The following PTPRT variants were observed in gnomAD, a reference collection of about 807,000 sequenced individuals.
The protein encoded by PTPRT is receptor-type tyrosine-protein phosphatase T.
In PTPRT, 56 loss-of-function variants were observed where a neutral mutation model predicts 176.8. The observed-to-expected ratio is 0.32, with a 90% CI of 0.26 to 0.40. The LOEUF (loss-of-function observed/expected upper bound fraction) is 0.40. Ranked by LOEUF, PTPRT falls within the 10% of genes least tolerant of loss-of-function variation. The pLI is 1.00. For missense variants in PTPRT, 1,540 were observed against 1,908.2 expected (o/e 0.81, Z 3.60); for synonymous variants, 783 against 739.0 (o/e 1.06, Z -0.96).
chr20:42,060,563 T>C, the PTPRT span, among the ~76,000 whole-genome samples: 1 of 152,184 alleles, frequency 6.6e-6, no homozygotes, highest in Admixed American at 6.5e-5. Flanking sequence ...GAATAAGTCT[T>C]ACAAGATCTG....
At chr20:42,652,543 C>A (rs140589753) in intron 7 of PTPRT, among the ~76,000 whole-genome samples, 1 of 152,052 alleles carries the variant, frequency 6.6e-6, no homozygotes, top group South Asian at 2.1e-4. Flanking sequence ...TCAGAGCATC[C>A]CCCTCCCCTT....
intron 1 of PTPRT, among the ~76,000 whole-genome samples, chr20:42,895,538 C>T (rs980691820): frequency 6.6e-6 from 1 of 151,974 alleles, no homozygotes; most frequent in Non-Finnish European, 1.5e-5. Context: ...AGGATGTGTA[C>T]CCCAGAGGCC....
intron 7 of PTPRT, among the ~76,000 whole-genome samples, chr20:42,474,062 G>A (rs1357885231): frequency 1.3e-5 from 2 of 152,158 alleles, no homozygotes; most frequent in African/African-American, 4.8e-5. Context: ...AACTTAATAA[G>A]CACTCTACGT....
At chr20:42,718,611 G>A (rs1279526910) in intron 6 of PTPRT, among the ~76,000 whole-genome samples, 2 of 152,078 alleles carry the variant, frequency 1.3e-5, no homozygotes, top group Non-Finnish European at 2.9e-5. Flanking sequence ...TCAAGTGGAA[G>A]AAACTAGCCA....
chr20:42,948,496 C>A (rs1213349121), intron 1 of PTPRT, among the ~76,000 whole-genome samples: 2 of 152,076 alleles, frequency 1.3e-5, no homozygotes, highest in African/African-American at 4.8e-5. Flanking sequence ...AAGTGTGGCC[C>A]AGGATTTGAA....
chr20:42,695,366 G>A (rs4812623), intron 6 of PTPRT, among the ~76,000 whole-genome samples: 55,259 of 152,030 alleles, frequency 0.36, 11,059 homozygotes, highest in African/African-American at 0.54. Flanking sequence ...ATGGTGTTCA[G>A]TCAAATATTT....
chr20:43,071,112 G>T, intron 1 of PTPRT, among the ~76,000 whole-genome samples: 1 of 152,104 alleles, frequency 6.6e-6, no homozygotes, highest in Middle Eastern at 3.2e-3. Flanking sequence ...GGTGCAGTTT[G>T]CAGTCCGGGG....
chr20:42,065,577 A>G, the PTPRT span, among the ~76,000 whole-genome samples: 17 of 152,232 alleles, frequency 1.1e-4, no homozygotes, highest in Non-Finnish European at 2.4e-4. Context: ...CCCCATCCCT[A>G]TGGCTGCACC....
chr20:42,261,205 T>C (rs767485952), intron 13 of PTPRT, among the ~76,000 whole-genome samples: 8 of 152,166 alleles, frequency 5.3e-5, no homozygotes, highest in Non-Finnish European at 8.8e-5. Flanking sequence ...TCCTAGCTTC[T>C]GCTAGTGGTT....
intron 9 of PTPRT, among the ~76,000 whole-genome samples, chr20:42,430,690 C>T (rs901209961): frequency 8.5e-5 from 13 of 152,136 alleles, no homozygotes; most frequent in Admixed American, 3.9e-4. Flanking sequence ...AATCTACTTG[C>T]TATTGAAGGG....
rs1044505221 is a variant in PTPRT, at chr20:42,572,736, G to A, written c.1154-100174C>T. 1.5e-4 allele frequency among the ~76,000 whole-genome samples: 23 copies of A among 151,958 alleles called. 1 individual carries two copies. Among genetic ancestry groups the A allele is most frequent in the Non-Finnish European group, 3.2e-4 (22 of 68,012 alleles). Reference sequence around the variant, plus strand: ...TAATCAAAGTTTGGTATCTATCCAGGAACTTGCACATAGCACAATCTCTAT... The same window carrying A: ...TAATCAAAGTTTGGTATCTATCCAGAAACTTGCACATAGCACAATCTCTAT... On this transcript the variant is annotated intron_variant, in intron 7 of 30. Transcript: ENST00000373187.
chr20:42,780,396 C>T, intron 3 of PTPRT, 97 bp from the exon 4 acceptor site: 1 of 878,576 alleles, frequency 1.1e-6, no homozygotes, highest in South Asian at 1.5e-5. Flanking sequence ...TTTCAACTTC[C>T]CATCAGAAGC....
intron 1 of PTPRT, among the ~76,000 whole-genome samples, chr20:42,986,643 GTAGA>G (rs931739647): frequency 3.3e-5 from 5 of 152,208 alleles, no homozygotes; most frequent in Non-Finnish European, 7.3e-5. Context: ...GAAAGCGACA[GTAGA>G]TAGTCATCCA....
intron 7 of PTPRT, among the ~76,000 whole-genome samples, chr20:42,515,642 C>G (rs572656562): frequency 6.6e-6 from 1 of 152,094 alleles, no homozygotes; most frequent in Non-Finnish European, 1.5e-5. Context: ...TACAATAGAT[C>G]AAAAATGTGC....
chr20:43,135,281 T>C (rs1359189033), intron 1 of PTPRT, among the ~76,000 whole-genome samples: 1 of 152,170 alleles, frequency 6.6e-6, no homozygotes, highest in African/African-American at 2.4e-5. Flanking sequence ...TAATATATGT[T>C]TGAACACTTC....
intron 13 of PTPRT, chr20:42,270,379 C>A: frequency 6.5e-7 from 1 of 1,541,628 alleles, no homozygotes; most frequent in South Asian, 1.2e-5. Flanking sequence ...CCCACCCGCC[C>A]AGGGCTCTGG....
At chr20:42,398,507 A>G (rs543688530) in intron 9 of PTPRT, among the ~76,000 whole-genome samples, 7 of 152,320 alleles carry the variant, frequency 4.6e-5, no homozygotes, top group African/African-American at 1.4e-4. Flanking sequence ...ATATTATTTG[A>G]GATGTGAAAA....
At chr20:43,034,033 C>T (rs1986263753) in intron 1 of PTPRT, among the ~76,000 whole-genome samples, 2 of 152,144 alleles carry the variant, frequency 1.3e-5, no homozygotes, top group South Asian at 4.1e-4. Context: ...ACTCATTTGC[C>T]CCAGCCACAC....
intron 7 of PTPRT, among the ~76,000 whole-genome samples, chr20:42,520,526 C>T (rs1041211620): frequency 1.3e-5 from 2 of 152,114 alleles, no homozygotes; most frequent in Non-Finnish European, 2.9e-5. Context: ...CCTTCAGTCT[C>T]TTCTAGTCTA....
Sources: gnomAD v4.1 joint callset for allele counts (sites outside exome capture counted in the v4.1 genomes callset) on GRCh38, gnomAD v4.1.1 for gene constraint, MANE v1.5 for transcripts, NCBI Gene and HGNC (gene_info 2026-07-23, HGNC 2026-07-21) for gene names.